Variants in PRKCE observed in about 807,000 individuals in gnomAD.
PRKCE encodes protein kinase C epsilon, also known as protein kinase C epsilon type.
In PRKCE, 16 loss-of-function variants were observed where a neutral mutation model predicts 85.4. That is an observed-to-expected ratio of 0.19 (90% confidence interval 0.13 to 0.28). The LOEUF is 0.28. PRKCE is among the 10% of genes least tolerant of loss of function. PRKCE has a pLI of 1.00. For missense variants in PRKCE, 573 were observed against 975.2 expected, an observed-to-expected ratio of 0.59 and a Z score of 5.49; for synonymous variants, 388 against 371.5, an observed-to-expected ratio of 1.04 and a Z score of -0.51.
intron 1 of PRKCE, among the ~76,000 whole-genome samples, chr2:45,745,288 C>T (rs1003759846): frequency 1.3e-5 from 2 of 152,148 alleles, no homozygotes; most frequent in African/African-American, 2.4e-5. Flanking sequence ...GACACAGATA[C>T]CTTAGTCTCA....
At chr2:45,854,052 C>T (rs1692484696) in intron 2 of PRKCE, among the ~76,000 whole-genome samples, 1 of 152,188 alleles carries the variant, frequency 6.6e-6, no homozygotes, top group African/African-American at 2.4e-5. Context: ...TCTATACAAC[C>T]ATGTACTCAC....
intron 10 of PRKCE, among the ~76,000 whole-genome samples, chr2:46,076,117 A>G (rs1456160527): frequency 6.6e-6 from 1 of 152,208 alleles, no homozygotes; most frequent in Non-Finnish European, 1.5e-5. Flanking sequence ...TGTGCTTTCT[A>G]TTGGCTGGGT....
intron 11 of PRKCE, among the ~76,000 whole-genome samples, chr2:46,142,801 G>A (rs1276065336): frequency 6.6e-6 from 1 of 152,228 alleles, no homozygotes; most frequent in Non-Finnish European, 1.5e-5. Context: ...AAGAAAAGGC[G>A]GAGCCTTGCA....
intron 1 of PRKCE, among the ~76,000 whole-genome samples, chr2:45,816,344 G>A (rs930768534): frequency 6.6e-6 from 1 of 152,040 alleles, no homozygotes; most frequent in Non-Finnish European, 1.5e-5. Context: ...GGAGTGTCAC[G>A]AGGTTTAAAG....
chr2:46,034,639 C>T (rs1006444986), intron 10 of PRKCE, among the ~76,000 whole-genome samples: 6 of 152,206 alleles, frequency 3.9e-5, no homozygotes, highest in African/African-American at 7.2e-5. Flanking sequence ...CTTGGGAGCA[C>T]GCCGAGGCCA....
intron 2 of PRKCE, among the ~76,000 whole-genome samples, chr2:45,928,881 C>T (rs990279217): frequency 2.0e-5 from 3 of 152,096 alleles, no homozygotes; most frequent in African/African-American, 4.8e-5. Context: ...GCACCTGGAG[C>T]CTTTTGTACC....
chr2:45,730,828 G>A (rs555199364), intron 1 of PRKCE, among the ~76,000 whole-genome samples: 68 of 152,190 alleles, frequency 4.5e-4, no homozygotes, highest in Admixed American at 1.3e-3. Context: ...CTTCTCCCAA[G>A]GAAATTTCCA....
intron 10 of PRKCE, among the ~76,000 whole-genome samples, chr2:46,013,014 G>A (rs1182921753): frequency 6.6e-6 from 1 of 152,198 alleles, no homozygotes; most frequent in African/African-American, 2.4e-5. Context: ...AGTCACAGGA[G>A]CAGCTTTGCA....
intron 1 of PRKCE, among the ~76,000 whole-genome samples, chr2:45,789,449 T>A (rs530806767): frequency 6.6e-6 from 1 of 152,324 alleles, no homozygotes; most frequent in East Asian, 1.9e-4. Flanking sequence ...AAAAATTTTT[T>A]AAATCATATG....
intron 14 of PRKCE, among the ~76,000 whole-genome samples, chr2:46,176,130 T>G (rs553884089): frequency 6.6e-6 from 1 of 151,938 alleles, no homozygotes; most frequent in East Asian, 1.9e-4. Flanking sequence ...CCTCCAATTT[T>G]CCCCAAAGAG....
chr2:45,989,093 A>G (rs1703584861), intron 6 of PRKCE, among the ~76,000 whole-genome samples: 1 of 152,198 alleles, frequency 6.6e-6, no homozygotes, highest in Non-Finnish European at 1.5e-5. Flanking sequence ...CAGGAAAGCC[A>G]GACCTCCTGA....
At chr2:45,752,512 C>A (rs556750789) in intron 1 of PRKCE, among the ~76,000 whole-genome samples, 3 of 152,094 alleles carry the variant, frequency 2.0e-5, no homozygotes, top group African/African-American at 4.8e-5. Context: ...TTCTCCTGTG[C>A]ATTCATTGGT....
At chr2:45,880,050 C>T (rs1694767601) in intron 2 of PRKCE, among the ~76,000 whole-genome samples, 2 of 145,938 alleles carry the variant, frequency 1.4e-5, no homozygotes, top group Non-Finnish European at 3.1e-5. Context: ...TATCTAGCAT[C>T]TTCTTTTCTA....
chr2:46,095,538 T>A (rs1361414731), intron 11 of PRKCE, among the ~76,000 whole-genome samples: 5 of 152,210 alleles, frequency 3.3e-5, no homozygotes, highest in Non-Finnish European at 2.9e-5. Flanking sequence ...TTTCTCTCGC[T>A]CCACATCACC....
intron 1 of PRKCE, among the ~76,000 whole-genome samples, chr2:45,712,988 C>G (rs796707993): frequency 6.6e-6 from 1 of 152,190 alleles, no homozygotes; most frequent in South Asian, 2.1e-4. Context: ...ACGACACTGT[C>G]GCCTTGCATC....
intron 10 of PRKCE, among the ~76,000 whole-genome samples, chr2:46,027,642 T>A (rs1438108527): frequency 6.6e-6 from 1 of 152,244 alleles, no homozygotes; most frequent in Non-Finnish European, 1.5e-5. Flanking sequence ...AATGATGACA[T>A]GCTCTCCAAA....
At chr2:45,819,160 C>T (rs1004238943) in intron 1 of PRKCE, among the ~76,000 whole-genome samples, 8 of 152,136 alleles carry the variant, frequency 5.3e-5, no homozygotes, top group East Asian at 1.9e-4. Context: ...GGCATAGTTT[C>T]TATGCATTTT....
At chr2:45,992,518 G>A (rs1703885726) in intron 6 of PRKCE, among the ~76,000 whole-genome samples, 1 of 152,184 alleles carries the variant, frequency 6.6e-6, no homozygotes, top group African/African-American at 2.4e-5. Context: ...CATTGCACAA[G>A]CACACAATTT....
intron 1 of PRKCE, among the ~76,000 whole-genome samples, chr2:45,679,118 AGCC>A (rs1352914197): frequency 6.6e-5 from 10 of 152,324 alleles, no homozygotes; most frequent in African/African-American, 2.2e-4. Context: ...TTGGATCCGA[AGCC>A]AGTCATGGAA....
Sources: gnomAD v4.1 joint callset for allele counts (sites outside exome capture counted in the v4.1 genomes callset) on GRCh38, gnomAD v4.1.1 for gene constraint, MANE v1.5 for transcripts, NCBI Gene and HGNC (gene_info 2026-07-23, HGNC 2026-07-21) for gene names.